The following WDFY1 variants were observed in gnomAD, a reference collection of about 807,000 sequenced individuals.
WDFY1 encodes the protein WD repeat and FYVE domain containing 1, also known as WD repeat and FYVE domain-containing protein 1.
In WDFY1, 32 loss-of-function variants were observed where a neutral mutation model predicts 56.4. The observed-to-expected ratio is 0.57, with a 90% confidence interval of 0.43 to 0.76. WDFY1 has a LOEUF of 0.76. Ranked by LOEUF, WDFY1 falls within the 30% of genes least tolerant of loss-of-function variation. WDFY1 has a pLI of 0.00. For synonymous variants in WDFY1, 192 were observed against 197.3 expected (o/e 0.97, Z 0.23); for missense variants, 480 against 545.7 (o/e 0.88, Z 1.20).
chr2:223,886,266 G>C (rs553476350), intron 8 of WDFY1, among the ~76,000 whole-genome samples: 1 of 152,228 alleles, frequency 6.6e-6, no homozygotes, highest in Admixed American at 6.5e-5. Context: ...TTGAACCCAG[G>C]AGGCGGAGGT....
At chr2:223,907,087 G>C (rs915623818) in intron 3 of WDFY1, among the ~76,000 whole-genome samples, 2 of 151,926 alleles carry the variant, frequency 1.3e-5, no homozygotes, top group Non-Finnish European at 2.9e-5. Flanking sequence ...CGATTCTTGT[G>C]CCTCAGAGTC....
chr2:223,911,423 A>C (rs1693697953), intron 3 of WDFY1, among the ~76,000 whole-genome samples: 1 of 152,232 alleles, frequency 6.6e-6, no homozygotes, highest in Admixed American at 6.5e-5. Context: ...TATTTCAATT[A>C]AGAAAAAACA....
At position 223,935,105 on chromosome 2, in the gene WDFY1, G is replaced by C. The variant is rs116732380; in HGVS notation, c.137+10043C>G. 2.1e-3 allele frequency among the ~76,000 whole-genome samples: 319 copies of C among 152,232 alleles called. 3 individuals carry two copies. Among genetic ancestry groups the C allele is most frequent in the African/African-American group, 7.5e-3 (312 of 41,540 alleles). The stretch of plus-strand genomic sequence containing the variant: ...TATCCCAGGAATTCCATACTAGGCT[G>C]TATTTTCTATAAACCATAACCTAGA... On this transcript the variant is annotated intron_variant, in intron 1 of 11. Transcript: ENST00000233055.
intron 4 of WDFY1, among the ~76,000 whole-genome samples, chr2:223,905,561 C>T (rs558012482): frequency 5.9e-5 from 9 of 151,516 alleles, no homozygotes; most frequent in African/African-American, 1.9e-4. Flanking sequence ...TGGAGAATAC[C>T]CACACACACA....
chr2:223,907,904 G>A (rs1693626320), intron 3 of WDFY1, among the ~76,000 whole-genome samples: 1 of 151,606 alleles, frequency 6.6e-6, no homozygotes. Flanking sequence ...CTGCCATCCA[G>A]GCTGGAGTGC....
chr2:223,938,634 C>T (rs75877486), intron 1 of WDFY1, among the ~76,000 whole-genome samples: 2,438 of 152,232 alleles, frequency 0.016, 59 homozygotes, highest in African/African-American at 0.054. Context: ...CTAAGCAGAA[C>T]CCTAAGCTGA....
At chr2:223,897,569 T>C (rs552514886) in intron 6 of WDFY1, among the ~76,000 whole-genome samples, 2 of 151,548 alleles carry the variant, frequency 1.3e-5, no homozygotes, top group Non-Finnish European at 1.5e-5. Flanking sequence ...TTAGTAGAGA[T>C]GGGGTTTCGC....
intron 2 of WDFY1, among the ~76,000 whole-genome samples, chr2:223,914,639 A>C (rs988154097): frequency 1.3e-5 from 2 of 152,214 alleles, no homozygotes; most frequent in African/African-American, 4.8e-5. Flanking sequence ...CTGTGGTGAG[A>C]AGCATAGGTT....
Position 223,906,016 on chromosome 2 carries a change from A to G in WDFY1, c.280-15T>C. ...ACGTGAAATTCCTAAAAGCAAATGC[A>G]CAAAATAAAAAATTAAAAGAGTTAT... On this transcript the variant is annotated splice_polypyrimidine_tract_variant and intron_variant, in intron 3 of 11. Coordinates refer to ENST00000233055, the MANE Select transcript of WDFY1 (RefSeq NM_020830.5). 6.5e-7 allele frequency: 1 copy of G among 1,538,288 alleles called. No individual in the cohort carries two copies. Among genetic ancestry groups the G allele is most frequent in the Non-Finnish European group, 8.8e-7 (1 of 1,142,286 alleles).
At chr2:223,932,045 AC>A (rs1299481190) in intron 1 of WDFY1, among the ~76,000 whole-genome samples, 1 of 150,072 alleles carries the variant, frequency 6.7e-6, no homozygotes, top group Non-Finnish European at 1.5e-5. Context: ...ATATTTTTAA[AC>A]CTGTAATTCC....
chr2:223,917,955 G>A lies in WDFY1; in HGVS notation c.193C>T (p.His65Tyr). 6.2e-7 allele frequency: 1 copy of A among 1,614,104 alleles called. No homozygotes were observed. The highest frequency in any genetic ancestry group is 8.5e-7 in the Non-Finnish European group (1 of 1,180,006). ...TTCAGCTACTTACAGGCCATTGTGT[G>A]GTAAATGCTGGGCCAGTATTGACCA... ...DSGQYWPSIY[H>Y]TMASPCSAMA... The change falls in exon 2 of 12, where the codon CAC (histidine) becomes TAC (tyrosine). Residue 65 changes from histidine (H) to tyrosine (Y), a missense_variant. Transcript: ENST00000233055.
At chr2:223,935,023 G>A (rs989511359) in intron 1 of WDFY1, among the ~76,000 whole-genome samples, 44 of 152,144 alleles carry the variant, frequency 2.9e-4, no homozygotes, top group Admixed American at 2.8e-3. Context: ...AAACTGAGAA[G>A]AGGGTTTCGG....
At chr2:223,887,748 C>G (rs1693196818) in intron 8 of WDFY1, among the ~76,000 whole-genome samples, 1 of 152,102 alleles carries the variant, frequency 6.6e-6, no homozygotes, top group East Asian at 1.9e-4. Context: ...ATTAAATTTT[C>G]TATTTTTCTT....
chr2:223,939,672 C>T (rs1229210452), intron 1 of WDFY1, among the ~76,000 whole-genome samples: 1 of 152,182 alleles, frequency 6.6e-6, no homozygotes, highest in Non-Finnish European at 1.5e-5. Flanking sequence ...GACTTACTCA[C>T]TGCCACGAGA....
At chr2:223,893,855 C>G (rs1693318066) in intron 8 of WDFY1, among the ~76,000 whole-genome samples, 1 of 152,216 alleles carries the variant, frequency 6.6e-6, no homozygotes, top group South Asian at 2.1e-4. Context: ...ACAGCAGTCA[C>G]TGATGCATCT....
intron 1 of WDFY1, among the ~76,000 whole-genome samples, chr2:223,920,563 T>C (rs1326271514): frequency 6.6e-6 from 1 of 152,266 alleles, no homozygotes; most frequent in African/African-American, 2.4e-5. Flanking sequence ...CAGCTGTATG[T>C]AACCTCCAGA....
intron 6 of WDFY1, among the ~76,000 whole-genome samples, chr2:223,896,270 A>G: frequency 6.6e-6 from 1 of 151,874 alleles, no homozygotes; most frequent in East Asian, 1.9e-4. Flanking sequence ...AATGTTCAGA[A>G]TGAAGAAAAA....
At chr2:223,889,223 GTCATAGCAAGTGGT>G (rs1044719458) in intron 8 of WDFY1, among the ~76,000 whole-genome samples, 17 of 152,114 alleles carry the variant, frequency 1.1e-4, no homozygotes, top group African/African-American at 2.9e-4. Context: ...ATTTCTAATA[GTCATAGCAAGTGGT>G]TCATAGCAAG....
rs1693832185 is a variant in WDFY1, at chr2:223,918,514, C to T, written c.138-504G>A. The stretch of plus-strand genomic sequence containing the variant: ...GGCATGGTGGCGGGCACCTGTAGTC[C>T]CAGCTACTCAGGAGCCTGAGGCAGA... On this transcript the variant is annotated intron_variant, in intron 1 of 11. Coordinates refer to ENST00000233055, the MANE Select transcript of WDFY1 (RefSeq NM_020830.5). Among the ~76,000 whole-genome samples, 4 of 152,050 alleles carry T rather than the reference C, an allele frequency of 2.6e-5. No individual in the cohort carries two copies. The South Asian group carries it at 8.3e-4, about 32-fold the overall frequency.
Sources: gnomAD v4.1 joint callset for allele counts (sites outside exome capture counted in the v4.1 genomes callset) on GRCh38, gnomAD v4.1.1 for gene constraint, MANE v1.5 for transcripts, NCBI Gene and HGNC (gene_info 2026-07-23, HGNC 2026-07-21) for gene names.